RGS7BP: variants seen among roughly 807,000 people sequenced by gnomAD.
RGS7BP encodes regulator of G protein signaling 7 binding protein, also known as regulator of G protein signaling 7-binding protein.
Under a neutral mutation model 31.3 loss-of-function variants are expected in RGS7BP, and 9 were observed. The observed-to-expected ratio is 0.29, with a 90% CI of 0.17 to 0.50. The LOEUF (loss-of-function observed/expected upper bound fraction) is 0.50, where lower values mean the gene tolerates loss of function less well. RGS7BP is among the 20% of genes least tolerant of loss of function. The pLI, the probability that RGS7BP is intolerant of heterozygous loss-of-function variation, is 0.98. For synonymous variants in RGS7BP, 115 were observed against 120.1 expected, an observed-to-expected ratio of 0.96 and a Z score of 0.28; for missense variants, 274 against 322.0, an observed-to-expected ratio of 0.85 and a Z score of 1.14.
rs148604538 is a variant in RGS7BP at position 64,546,818 on chromosome 5, T to C, written c.333-28956T>C. Among the ~76,000 whole-genome samples the C allele has an allele frequency of 7.8e-4, 119 of 152,306 alleles. 1 individual carries two copies. Among genetic ancestry groups the C allele is most frequent in the African/African-American group, 2.8e-3 (115 of 41,564 alleles). ...TAAAGCAAGTCAATGAACTAATCTATGTATATAGTTCATTTATTTCCTACA... is the reference window on the plus strand; with the variant it reads ...TAAAGCAAGTCAATGAACTAATCTACGTATATAGTTCATTTATTTCCTACA... On this transcript the variant is annotated intron_variant, in intron 2 of 5. Transcript: ENST00000334025.
intron 2 of RGS7BP, among the ~76,000 whole-genome samples, chr5:64,556,715 C>T (rs939500493): frequency 6.6e-6 from 1 of 151,920 alleles, no homozygotes; most frequent in African/African-American, 2.4e-5. Flanking sequence ...AAGTCTTTCT[C>T]CTGGCTCCAT....
At position 64,506,468 on chromosome 5, in the gene RGS7BP, C is replaced by T. The variant is rs1202081285; in HGVS notation, c.-157C>T. On this transcript the variant is annotated 5_prime_UTR_variant, in exon 1 of 6. Transcript: ENST00000334025. This position sits in a 1 kb window ranked among gnomAD's most constrained non-coding sequence, Gnocchi z 4.6. ...AGCGCTTCCCCGGCTCTCCTTCAAG[C>T]TGAAGGTTACCGACCCGCGCAGCCA... is the stretch of plus-strand genomic sequence containing the variant. The T allele has an allele frequency of 1.9e-6, 1 of 523,698 alleles. No individual in the cohort carries two copies. The allele number at this position is 523,698 out of a possible 1,614,324, so 32.4% of individuals were successfully genotyped here. A position where few individuals can be genotyped will look rare whatever the true frequency, so the allele number is the denominator to read the frequency against.
At chr5:64,529,054 T>C (rs1015007742) in intron 2 of RGS7BP, among the ~76,000 whole-genome samples, 21 of 152,146 alleles carry the variant, frequency 1.4e-4, no homozygotes, top group African/African-American at 5.1e-4. Context: ...AAGAGAATTA[T>C]AAAAACTTAT....
At chr5:64,591,024 G>A (rs1005133855) in intron 3 of RGS7BP, among the ~76,000 whole-genome samples, 14 of 151,944 alleles carry the variant, frequency 9.2e-5, no homozygotes, top group Non-Finnish European at 2.1e-4. Context: ...TATAGGCAAG[G>A]CACAGTACTA....
At chr5:64,568,838 A>G (rs1306270861) in intron 2 of RGS7BP, among the ~76,000 whole-genome samples, 3 of 144,400 alleles carry the variant, frequency 2.1e-5, no homozygotes, top group Non-Finnish European at 3.0e-5. Context: ...TTTTTAAATG[A>G]AAAAAAAAAG....
chr5:64,596,300 G>T (rs185263165), intron 4 of RGS7BP, among the ~76,000 whole-genome samples: 3 of 152,264 alleles, frequency 2.0e-5, no homozygotes, highest in East Asian at 3.9e-4. Flanking sequence ...GGCTAACTCC[G>T]TTCTCCCTGG....
At chr5:64,526,230 A>C (rs1242847231) in intron 2 of RGS7BP, among the ~76,000 whole-genome samples, 1 of 152,226 alleles carries the variant, frequency 6.6e-6, no homozygotes, top group East Asian at 1.9e-4. Context: ...GTTGGTCAGC[A>C]GGCAGCAGGT....
At chr5:64,507,999 A>C in intron 2 of RGS7BP, 122 bp downstream of exon 2, 1 of 832,986 alleles carries the variant, frequency 1.2e-6, no homozygotes, top group Non-Finnish European at 1.9e-6. Context: ...CTTAAGATCG[A>C]AATTCTCTAG....
intron 2 of RGS7BP, among the ~76,000 whole-genome samples, chr5:64,551,618 A>C (rs1013776607): frequency 6.7e-6 from 1 of 150,312 alleles, no homozygotes; most frequent in Non-Finnish European, 1.5e-5. Context: ...ATTTAGAAAA[A>C]ATATTTCAAA....
chr5:64,521,996 C>T (rs1318069962), intron 2 of RGS7BP, among the ~76,000 whole-genome samples: 2 of 152,158 alleles, frequency 1.3e-5, no homozygotes, highest in East Asian at 3.9e-4. Context: ...TTAACTTCTA[C>T]AAAAATCTAT....
intron 2 of RGS7BP, chr5:64,539,815 T>C (rs1169514690): frequency 6.6e-6 from 1 of 152,186 alleles, no homozygotes; most frequent in Admixed American, 6.5e-5. Flanking sequence ...TTAAAGTTTA[T>C]TGTTGTATGT....
intron 2 of RGS7BP, among the ~76,000 whole-genome samples, chr5:64,551,707 T>C (rs1741800703): frequency 6.6e-6 from 1 of 152,194 alleles, no homozygotes; most frequent in African/African-American, 2.4e-5. Flanking sequence ...ACACAGCATG[T>C]TTTTCTGCAT....
intron 2 of RGS7BP, among the ~76,000 whole-genome samples, chr5:64,553,086 C>G (rs756023655): frequency 6.6e-6 from 1 of 151,696 alleles, no homozygotes; most frequent in Non-Finnish European, 1.5e-5. Flanking sequence ...TTTTAGCCTG[C>G]CTTTTATTTT....
At chr5:64,594,905 A>G (rs372261059) in intron 4 of RGS7BP, 48 bp downstream of exon 4, 2 of 1,589,888 alleles carry the variant, frequency 1.3e-6, no homozygotes, top group East Asian at 2.2e-5. Flanking sequence ...CCTCCCGTTA[A>G]TGTTCTTAGG....
At chr5:64,544,927 A>C (rs535769446) in intron 2 of RGS7BP, among the ~76,000 whole-genome samples, 3 of 152,338 alleles carry the variant, frequency 2.0e-5, no homozygotes, top group Non-Finnish European at 4.4e-5. Flanking sequence ...CTGTAATCCC[A>C]GCACTTTGGG....
chr5:64,523,322 T>C (rs1171354374), intron 2 of RGS7BP, among the ~76,000 whole-genome samples: 2 of 146,304 alleles, frequency 1.4e-5, no homozygotes, highest in Admixed American at 6.9e-5. Flanking sequence ...GGGGAAATAT[T>C]GGCCAAATGT....
At chr5:64,533,906 C>T (rs973826391) in intron 2 of RGS7BP, among the ~76,000 whole-genome samples, 1 of 152,196 alleles carries the variant, frequency 6.6e-6, no homozygotes, top group Non-Finnish European at 1.5e-5. Context: ...ATAAAGCAGA[C>T]ATGACTTACA....
chr5:64,527,244 G>T (rs896650254), intron 2 of RGS7BP, among the ~76,000 whole-genome samples: 1 of 152,210 alleles, frequency 6.6e-6, no homozygotes, highest in South Asian at 2.1e-4. Flanking sequence ...CTGGTATAGA[G>T]CAGTGTGGCT....
chr5:64,513,133 T>C (rs975570076), intron 2 of RGS7BP, among the ~76,000 whole-genome samples: 1 of 152,234 alleles, frequency 6.6e-6, no homozygotes, highest in Non-Finnish European at 1.5e-5. Flanking sequence ...AGTTTGATGA[T>C]TGAATTCCGG....
Sources: allele counts gnomAD v4.1 joint callset (sites outside exome capture counted in the v4.1 genomes callset), GRCh38; gene constraint gnomAD v4.1.1; non-coding constraint Gnocchi (gnomAD v3.1); transcripts MANE v1.5; gene names NCBI Gene and HGNC (gene_info 2026-07-23, HGNC 2026-07-21).